Variants in ATOSA observed in about 807,000 individuals in gnomAD.
The protein encoded by ATOSA is atos homolog protein A.
At chr15:52,702,933 G>A in the ATOSA span, among the ~76,000 whole-genome samples, 60 of 152,190 alleles carry the variant, frequency 3.9e-4, no homozygotes, top group South Asian at 8.3e-4. Flanking sequence ...AAAAACACAT[G>A]TCCACACAAC....
the ATOSA span, among the ~76,000 whole-genome samples, chr15:52,626,626 T>G: frequency 0.084 from 12,796 of 151,976 alleles, 930 homozygotes; most frequent in East Asian, 0.34. Context: ...GAAATTGGAC[T>G]TCAGAGAGGT....
chr15:52,671,238 TTTAAG>T, the ATOSA span, among the ~76,000 whole-genome samples: 2 of 152,234 alleles, frequency 1.3e-5, no homozygotes, highest in Non-Finnish European at 2.9e-5. Flanking sequence ...ATAACCTTTA[TTTAAG>T]TTATGGATAG....
chr15:52,660,023 G>C, the ATOSA span, among the ~76,000 whole-genome samples: 1 of 152,088 alleles, frequency 6.6e-6, no homozygotes, highest in African/African-American at 2.4e-5. Flanking sequence ...GAACTTAATG[G>C]TACAGTTAGA....
chr15:52,591,368 T>C, the ATOSA span, among the ~76,000 whole-genome samples: 3 of 152,184 alleles, frequency 2.0e-5, no homozygotes, highest in Non-Finnish European at 4.4e-5. Flanking sequence ...GTAGCTGGGA[T>C]TACAGGCGTG....
the ATOSA span, among the ~76,000 whole-genome samples, chr15:52,605,462 A>G: frequency 1.4e-3 from 207 of 152,246 alleles, no homozygotes; most frequent in Non-Finnish European, 2.1e-3. Context: ...TATTTGCATC[A>G]TATATACTTT....
At chr15:52,688,794 G>A in the ATOSA span, among the ~76,000 whole-genome samples, 7 of 152,202 alleles carry the variant, frequency 4.6e-5, no homozygotes, top group Non-Finnish European at 1.0e-4. Context: ...AGGACAGGGT[G>A]TTTAGCTATG....
At chr15:52,645,402 C>T in the ATOSA span, among the ~76,000 whole-genome samples, 18 of 152,148 alleles carry the variant, frequency 1.2e-4, no homozygotes, top group South Asian at 4.2e-4. Context: ...TCACGCTATG[C>T]CACTGCGCTC....
At chr15:52,682,234 C>T in the ATOSA span, among the ~76,000 whole-genome samples, 1 of 151,650 alleles carries the variant, frequency 6.6e-6, no homozygotes, top group Non-Finnish European at 1.5e-5. Context: ...TATATGTTGT[C>T]TCATAATAGT....
the ATOSA span, among the ~76,000 whole-genome samples, chr15:52,617,435 C>T: frequency 1.3e-5 from 2 of 152,190 alleles, no homozygotes; most frequent in South Asian, 2.1e-4. Context: ...ATTGTTTAAG[C>T]CACCCAAATC....
chr15:52,651,244 C>T, the ATOSA span, among the ~76,000 whole-genome samples: 3 of 152,294 alleles, frequency 2.0e-5, no homozygotes, highest in East Asian at 3.9e-4. Context: ...TAGAACACTA[C>T]ACTGACTTTG....
At chr15:52,610,931 T>C in the ATOSA span, among the ~76,000 whole-genome samples, 4 of 152,340 alleles carry the variant, frequency 2.6e-5, no homozygotes, top group South Asian at 2.1e-4. Flanking sequence ...ATATTATTCA[T>C]ACCAAATTTA....
At chr15:52,696,224 C>T in the ATOSA span, among the ~76,000 whole-genome samples, 4 of 152,054 alleles carry the variant, frequency 2.6e-5, no homozygotes, top group African/African-American at 7.2e-5. Flanking sequence ...TCTGTCTTAC[C>T]GAAGCTAGAA....
chr15:52,610,274 G>C, the ATOSA span: 4 of 1,613,986 alleles, frequency 2.5e-6, no homozygotes, highest in South Asian at 1.1e-5. Flanking sequence ...GGCAAGGACT[G>C]AACACTGACT....
chr15:52,593,676 C>G, the ATOSA span: 3 of 1,559,142 alleles, frequency 1.9e-6, no homozygotes, highest in Non-Finnish European at 2.6e-6. Flanking sequence ...CTTGCCCCTA[C>G]CTCGGCAGTA....
the ATOSA span, among the ~76,000 whole-genome samples, chr15:52,603,982 G>A: frequency 6.6e-6 from 1 of 152,276 alleles, no homozygotes; most frequent in South Asian, 2.1e-4. Flanking sequence ...AGTGAAATAG[G>A]AAGGTTCCTA....
At chr15:52,608,656 GT>G in the ATOSA span, 1 of 1,611,736 alleles carries the variant, frequency 6.2e-7, no homozygotes, top group Non-Finnish European at 8.5e-7. Flanking sequence ...TTTTTCATTA[GT>G]TGGATCTTCT....
At chr15:52,593,505 G>A in the ATOSA span, 10 of 1,362,562 alleles carry the variant, frequency 7.3e-6, no homozygotes, top group South Asian at 1.4e-5. Flanking sequence ...TTCAAGTACT[G>A]CATCAAAGCA....
At chr15:52,632,153 T>A in the ATOSA span, among the ~76,000 whole-genome samples, 1 of 152,226 alleles carries the variant, frequency 6.6e-6, no homozygotes, top group African/African-American at 2.4e-5. Context: ...ACTAATTTCA[T>A]CTGAATTTTA....
chr15:52,669,632 G>A, the ATOSA span, among the ~76,000 whole-genome samples: 4 of 152,192 alleles, frequency 2.6e-5, no homozygotes, highest in Non-Finnish European at 5.9e-5. Context: ...GGTTAAGTGG[G>A]AAACCAAAAT....
Sources: gnomAD v4.1 joint callset for allele counts (sites outside exome capture counted in the v4.1 genomes callset) on GRCh38, gnomAD v4.1.1 for gene constraint, MANE v1.5 for transcripts, NCBI Gene and HGNC (gene_info 2026-07-23, HGNC 2026-07-21) for gene names.